Variants in CDH18 observed in about 807,000 individuals in gnomAD.
The protein encoded by CDH18 is cadherin 18, also known as cadherin-18.
Under a neutral mutation model 67.9 loss-of-function variants are expected in CDH18, and 31 were observed. That is an observed-to-expected ratio of 0.46 (90% confidence interval 0.34 to 0.62). The LOEUF is 0.62. Ranked by LOEUF, CDH18 falls within the 20% of genes least tolerant of loss-of-function variation. CDH18 has a pLI of 0.01. For synonymous variants in CDH18, 362 were observed against 347.2 expected (o/e 1.04, Z -0.48); for missense variants, 890 against 975.5 (o/e 0.91, Z 1.17).
chr5:19,658,269 T>C (rs891782903), intron 5 of CDH18, among the ~76,000 whole-genome samples: 1 of 152,126 alleles, frequency 6.6e-6, no homozygotes, highest in African/African-American at 2.4e-5. Context: ...ATAGCATGTC[T>C]ATCTCATGTC....
chr5:20,475,436 A>G (rs1752371710), intron 1 of CDH18, among the ~76,000 whole-genome samples: 1 of 152,178 alleles, frequency 6.6e-6, no homozygotes, highest in African/African-American at 2.4e-5. Flanking sequence ...AAAGCCATTG[A>G]TAGGCATTAA....
chr5:20,493,946 C>CAAA (rs1753745512), intron 1 of CDH18, among the ~76,000 whole-genome samples: 1 of 148,528 alleles, frequency 6.7e-6, no homozygotes, highest in Non-Finnish European at 1.5e-5. Flanking sequence ...AAAACAAAAA[C>CAAA]AGCAAAAAAA....
chr5:20,207,640 G>A (rs10941657), intron 2 of CDH18, among the ~76,000 whole-genome samples: 1 of 151,934 alleles, frequency 6.6e-6, no homozygotes, highest in East Asian at 2.0e-4. Context: ...GAGAACAGCA[G>A]GGGAAAGACC....
intron 2 of CDH18, among the ~76,000 whole-genome samples, chr5:20,165,684 T>A (rs1420536363): frequency 1.3e-5 from 2 of 152,246 alleles, no homozygotes; most frequent in East Asian, 1.9e-4. Context: ...TGACTCATTT[T>A]CCTAAACTAC....
intron 2 of CDH18, among the ~76,000 whole-genome samples, chr5:19,903,535 G>C (rs915032586): frequency 4.9e-5 from 2 of 40,462 alleles, no homozygotes; most frequent in Non-Finnish European, 5.8e-5. Context: ...GACTCTGTGT[G>C]TGTGTGTATA....
chr5:19,755,427 GTA>G lies in CDH18; in HGVS notation c.229-8193_229-8192del, dbSNP rs1373982305. 6.5e-3 allele frequency among the ~76,000 whole-genome samples: 289 copies of G among 44,634 alleles called. 6 individuals are homozygous for G. The highest frequency in any genetic ancestry group is 0.017 in the African/African-American group (267 of 15,648). The allele number at this position is 44,634 out of a possible 152,430, so 29.3% of individuals were successfully genotyped here. On this transcript the variant is annotated intron_variant, in intron 3 of 12. Coordinates refer to ENST00000382275, the MANE Select transcript of CDH18 (RefSeq NM_004934.5). The stretch of plus-strand genomic sequence containing the variant: ...TCTCTAGAGGGACAGAACTAACAGG[GTA>G]TGTATATATATATATATATATATAT...
At chr5:20,070,484 G>C (rs1184382918) in intron 2 of CDH18, among the ~76,000 whole-genome samples, 2 of 152,136 alleles carry the variant, frequency 1.3e-5, no homozygotes, top group Non-Finnish European at 2.9e-5. Context: ...ACTGCAGATG[G>C]AGATTGAATG....
At chr5:19,778,441 A>T (rs758165165) in intron 3 of CDH18, among the ~76,000 whole-genome samples, 3 of 152,214 alleles carry the variant, frequency 2.0e-5, no homozygotes, top group Non-Finnish European at 2.9e-5. Context: ...CCTATGTAAA[A>T]ATTGTATTCA....
At chr5:19,871,388 C>A (rs1027046253) in intron 2 of CDH18, among the ~76,000 whole-genome samples, 7 of 134,560 alleles carry the variant, frequency 5.2e-5, no homozygotes, top group African/African-American at 1.8e-4. Context: ...AAACTTATCA[C>A]ATCTTTTTTT....
chr5:20,196,397 C>T (rs1320670984), intron 2 of CDH18, among the ~76,000 whole-genome samples: 2 of 152,094 alleles, frequency 1.3e-5, no homozygotes, highest in Non-Finnish European at 2.9e-5. Flanking sequence ...AGGTATTGTT[C>T]AAGAGCACAC....
chr5:20,156,359 A>G (rs2126591766), intron 2 of CDH18, among the ~76,000 whole-genome samples: 1 of 152,322 alleles, frequency 6.6e-6, no homozygotes, highest in South Asian at 2.1e-4. Flanking sequence ...ATGGATTTAA[A>G]AACTTTGATA....
At chr5:20,546,615 A>G (rs1757358905) in intron 1 of CDH18, among the ~76,000 whole-genome samples, 1 of 152,090 alleles carries the variant, frequency 6.6e-6, no homozygotes, top group Non-Finnish European at 1.5e-5. Context: ...TCACTATCAC[A>G]ATAATAACAT....
chr5:19,789,446 A>G (rs1191736021), intron 3 of CDH18, among the ~76,000 whole-genome samples: 1 of 152,208 alleles, frequency 6.6e-6, no homozygotes, highest in Non-Finnish European at 1.5e-5. Context: ...ACTCAAATTT[A>G]TAATTTCAGT....
At chr5:19,670,812 A>T (rs1053377815) in intron 5 of CDH18, among the ~76,000 whole-genome samples, 2 of 152,120 alleles carry the variant, frequency 1.3e-5, no homozygotes, top group Admixed American at 6.6e-5. Flanking sequence ...GGGAATAAAG[A>T]AGAGTTGACA....
At chr5:20,003,753 C>T (rs1736643027) in intron 2 of CDH18, among the ~76,000 whole-genome samples, 1 of 152,046 alleles carries the variant, frequency 6.6e-6, no homozygotes, top group South Asian at 2.1e-4. Flanking sequence ...AAAAAATTAG[C>T]CGGGCGTGGT....
intron 5 of CDH18, among the ~76,000 whole-genome samples, chr5:19,716,831 A>G (rs936355518): frequency 2.6e-5 from 4 of 152,116 alleles, no homozygotes; most frequent in African/African-American, 7.2e-5. Context: ...GAATGTATCA[A>G]TGTAAATGTT....
intron 1 of CDH18, among the ~76,000 whole-genome samples, chr5:20,466,476 G>A (rs755106381): frequency 1.6e-4 from 24 of 152,052 alleles, no homozygotes; most frequent in Non-Finnish European, 4.4e-5. Flanking sequence ...ACACAATTAT[G>A]TCTCAGATAA....
At chr5:20,346,117 G>A (rs1041974912) in intron 1 of CDH18, among the ~76,000 whole-genome samples, 3 of 152,110 alleles carry the variant, frequency 2.0e-5, no homozygotes, top group Non-Finnish European at 4.4e-5. Context: ...TAGAATGGCT[G>A]TTTGGTACAA....
chr5:20,211,371 C>CT (rs956465910), intron 2 of CDH18, among the ~76,000 whole-genome samples: 1 of 152,090 alleles, frequency 6.6e-6, no homozygotes, highest in Admixed American at 6.6e-5. Flanking sequence ...ATGTCCCTGT[C>CT]TGACAGCTTT....
Sources: allele counts gnomAD v4.1 joint callset (sites outside exome capture counted in the v4.1 genomes callset), GRCh38; gene constraint gnomAD v4.1.1; transcripts MANE v1.5; gene names NCBI Gene and HGNC (gene_info 2026-07-23, HGNC 2026-07-21).